CNTNAP3B: variants seen among roughly 807,000 people sequenced by gnomAD.
CNTNAP3B encodes contactin associated protein family member 3B, also known as contactin-associated protein-like 3B.
In CNTNAP3B, 25 loss-of-function variants were observed where a neutral mutation model predicts 108.9. The ratio of observed to expected loss-of-function variants is 0.23; its 90% confidence interval spans 0.17 to 0.32. The LOEUF is 0.32. Among genes scored for constraint, CNTNAP3B ranks in the 10% least tolerant of loss-of-function variants. CNTNAP3B has a pLI of 1.00. For synonymous variants in CNTNAP3B, 103 were observed against 473.4 expected, an observed-to-expected ratio of 0.22 and a Z score of 10.16; for missense variants, 252 against 1,210.4, an observed-to-expected ratio of 0.21 and a Z score of 11.75.
chr9:42,114,123 C>A (rs1433608325), intron 1 of CNTNAP3B, among the ~76,000 whole-genome samples: 1 of 114,180 alleles, frequency 8.8e-6, no homozygotes, highest in Non-Finnish European at 1.8e-5. Flanking sequence ...GACCTCATGA[C>A]CTCACAGGCC....
At chr9:42,094,784 G>GA (rs1220588205) in intron 2 of CNTNAP3B, among the ~76,000 whole-genome samples, 1 of 121,242 alleles carries the variant, frequency 8.2e-6, no homozygotes, top group Non-Finnish European at 1.7e-5. Context: ...AAAGAAAAAA[G>GA]AAAAAAAAGA....
chr9:42,089,736 A>T (rs1340407125), intron 2 of CNTNAP3B, among the ~76,000 whole-genome samples: 1 of 147,426 alleles, frequency 6.8e-6, no homozygotes, highest in Non-Finnish European at 1.5e-5. Flanking sequence ...TAGTGGAGAA[A>T]TATGAGGAGT....
At chr9:42,035,876 G>C (rs1358071214) in intron 3 of CNTNAP3B, among the ~76,000 whole-genome samples, 11 of 143,278 alleles carry the variant, frequency 7.7e-5, no homozygotes, top group Non-Finnish European at 1.5e-4. Context: ...TGTTGCCCTG[G>C]TTGGTCTAAA....
At chr9:42,063,716 C>T (rs1827214094) in intron 3 of CNTNAP3B, among the ~76,000 whole-genome samples, 1 of 135,554 alleles carries the variant, frequency 7.4e-6, no homozygotes, top group African/African-American at 3.0e-5. Flanking sequence ...CTACTGTTTC[C>T]TCTCTCTCTA....
In CNTNAP3B at chr9:41,934,120, TATAC is replaced by T. The variant is rs1179202278; in HGVS notation, c.2237+4120_2237+4123del. 1.6e-3 allele frequency among the ~76,000 whole-genome samples: 194 copies of T among 120,372 alleles called. 4 individuals carry two copies. The highest frequency in any genetic ancestry group is 4.5e-3 in the Middle Eastern group (1 of 224). The allele number at this position is 120,372 out of a possible 152,430, so 79.0% of individuals were successfully genotyped here. A position where few individuals can be genotyped will look rare whatever the true frequency, so the allele number is the denominator to read the frequency against. On this transcript the variant is annotated intron_variant, in intron 14 of 23. Coordinates refer to ENST00000377561, the MANE Select transcript of CNTNAP3B (RefSeq NM_001201380.3). ...TGTTACATATATATATATATATATATATACACACACATATATATATACACACACA... is the reference window on the plus strand; with the variant it reads ...TGTTACATATATATATATATATATATACACACATATATATATACACACACA...
intron 1 of CNTNAP3B, among the ~76,000 whole-genome samples, chr9:42,125,881 G>A (rs2118759043): frequency 7.8e-6 from 1 of 127,522 alleles, no homozygotes; most frequent in South Asian, 2.6e-4. Flanking sequence ...GCCTCCCAAA[G>A]TGCTGAGATT....
chr9:41,949,793 C>T (rs1490610295), intron 13 of CNTNAP3B, among the ~76,000 whole-genome samples: 1 of 151,866 alleles, frequency 6.6e-6, no homozygotes, highest in African/African-American at 2.4e-5. Context: ...ATTCAAAAAT[C>T]TTTGGAATTG....
chr9:41,961,995 A>G, intron 11 of CNTNAP3B, among the ~76,000 whole-genome samples: 1 of 152,298 alleles, frequency 6.6e-6, no homozygotes, highest in Non-Finnish European at 1.5e-5. Context: ...ATACTTAAAT[A>G]TAGGGCACAG....
Position 41,932,332 on chromosome 9 carries a change from T to A in CNTNAP3B, c.2238-2888A>T, listed in dbSNP as rs1452245868. 2.0e-5 allele frequency among the ~76,000 whole-genome samples: 3 copies of A among 152,122 alleles called. No homozygotes were observed. In the East Asian group the frequency reaches 5.8e-4, roughly 29 times the overall value. On this transcript the variant is annotated intron_variant, in intron 14 of 23. Coordinates refer to ENST00000377561, the MANE Select transcript of CNTNAP3B (RefSeq NM_001201380.3). Reference sequence around the variant, plus strand: ...TTTATTTTATATTTTATTAAAATTTTTATTTATTAGAAATTCCTACGGTTC... The same window carrying A: ...TTTATTTTATATTTTATTAAAATTTATATTTATTAGAAATTCCTACGGTTC...
intron 3 of CNTNAP3B, among the ~76,000 whole-genome samples, chr9:42,041,452 G>T (rs1277347607): frequency 1.3e-5 from 2 of 150,758 alleles, no homozygotes; most frequent in East Asian, 1.9e-4. Flanking sequence ...CTTCTCAAAA[G>T]AAGACATTTA....
At chr9:42,035,811 C>T (rs1381042075) in intron 3 of CNTNAP3B, among the ~76,000 whole-genome samples, 2 of 148,772 alleles carry the variant, frequency 1.3e-5, no homozygotes, top group Admixed American at 6.7e-5. Context: ...GTGTGTGCCA[C>T]TATGCCCAGC....
intron 1 of CNTNAP3B, among the ~76,000 whole-genome samples, chr9:42,121,428 C>A (rs966346870): frequency 1.4e-5 from 2 of 138,314 alleles, no homozygotes; most frequent in African/African-American, 5.8e-5. Flanking sequence ...GGGCAGTATT[C>A]TAAAATACTA....
intron 3 of CNTNAP3B, among the ~76,000 whole-genome samples, chr9:42,059,704 C>T (rs1179640039): frequency 1.9e-5 from 1 of 51,798 alleles, no homozygotes; most frequent in Non-Finnish European, 4.5e-5. Context: ...GTGATCCTCC[C>T]ACCTCAGCCT....
intron 4 of CNTNAP3B, among the ~76,000 whole-genome samples, chr9:42,001,832 G>C (rs1334854485): frequency 7.4e-6 from 1 of 135,028 alleles, no homozygotes; most frequent in Admixed American, 7.5e-5. Flanking sequence ...CCCCTGACAC[G>C]TTAGTCTGTC....
Position 41,986,188 on chromosome 9 carries a change from C to T in CNTNAP3B, c.1457G>A (p.Gly486Asp), listed in dbSNP as rs562877978. 30 of 1,129,544 alleles carry T rather than the reference C, an allele frequency of 2.7e-5. 6 individuals are homozygous for T. Among genetic ancestry groups the T allele is most frequent in the Non-Finnish European group, 3.6e-5 (30 of 839,782 alleles). 70.0% of individuals were successfully genotyped at this position (1,129,544 alleles called of 1,614,324 possible). ...QPLVAVLIDS[G>D]DTYYFGGCLG... ...CTTACCTCCAAAATAATAGGTGTCACCTGAATCAATGAGCACAGCCACCAG... is the reference window on the plus strand; with the variant it reads ...CTTACCTCCAAAATAATAGGTGTCATCTGAATCAATGAGCACAGCCACCAG... Residue 486 changes from glycine to aspartate, a missense_variant, in exon 9 of 24, where the codon GGT becomes GAT. Coordinates refer to ENST00000377561, the MANE Select transcript of CNTNAP3B (RefSeq NM_001201380.3).
rs1319512603 is a variant in CNTNAP3B, at chr9:41,979,053, C to T, written c.1477+7115G>A. On this transcript the variant is annotated intron_variant, in intron 9 of 23. Transcript: ENST00000377561. ...GGTGGGATGTGGGGTCAGGGAGGAA[C>T]CCAGTAAACAGCCCTGGCCTTGCAG... 1.5e-5 allele frequency among the ~76,000 whole-genome samples: 2 copies of T among 137,888 alleles called. 1 individual carries two copies. The highest frequency in any genetic ancestry group is 3.1e-5 in the Non-Finnish European group (2 of 64,606). The allele number at this position is 137,888 out of a possible 152,430, so 90.5% of individuals were successfully genotyped here.
chr9:41,951,086 T>C (rs1173220923), intron 13 of CNTNAP3B, among the ~76,000 whole-genome samples: 3 of 117,738 alleles, frequency 2.5e-5, no homozygotes, highest in Non-Finnish European at 5.5e-5. Context: ...ATGGAAATAC[T>C]GTGTATCTTG....
intron 1 of CNTNAP3B, among the ~76,000 whole-genome samples, chr9:42,111,767 TG>T (rs1316640255): frequency 7.2e-6 from 1 of 138,588 alleles, no homozygotes; most frequent in Non-Finnish European, 1.5e-5. Context: ...ATGTACTTTT[TG>T]TGTGTATATG....
At chr9:41,917,143 T>C (rs1823537817) in intron 18 of CNTNAP3B, among the ~76,000 whole-genome samples, 2 of 152,284 alleles carry the variant, frequency 1.3e-5, no homozygotes, top group South Asian at 4.1e-4. Context: ...CTCTCTCTCC[T>C]GGTATTTTCA....
Sources: gnomAD v4.1 joint callset for allele counts (sites outside exome capture counted in the v4.1 genomes callset) on GRCh38, gnomAD v4.1.1 for gene constraint, MANE v1.5 for transcripts, NCBI Gene and HGNC (gene_info 2026-07-23, HGNC 2026-07-21) for gene names.